SHISA9: variants seen among roughly 807,000 people sequenced by gnomAD.
SHISA9 encodes the protein shisa family member 9.
Under a neutral mutation model 38.0 loss-of-function variants are expected in SHISA9, and 13 were observed. The observed-to-expected ratio is 0.34, with a 90% CI of 0.22 to 0.54. The LOEUF is 0.54. Among genes scored for constraint, SHISA9 ranks in the 20% least tolerant of loss-of-function variants. The probability of loss-of-function intolerance (pLI) is 0.91; values close to 1 mark genes in which losing one functional copy is unlikely to be tolerated. For missense variants in SHISA9, 538 were observed against 575.8 expected, an observed-to-expected ratio of 0.93 and a Z score of 0.67; for synonymous variants, 275 against 242.0, an observed-to-expected ratio of 1.14 and a Z score of -1.27.
At chr16:13,254,817 G>A in the SHISA9 span, among the ~76,000 whole-genome samples, 12 of 152,304 alleles carry the variant, frequency 7.9e-5, no homozygotes, top group South Asian at 2.1e-4. Context: ...AGTCCCTTCC[G>A]GGCTTGTTAA....
At chr16:13,091,793 C>T (rs2073777824) in intron 2 of SHISA9, among the ~76,000 whole-genome samples, 1 of 152,226 alleles carries the variant, frequency 6.6e-6, no homozygotes, top group African/African-American at 2.4e-5. Flanking sequence ...CTTCTGAAGC[C>T]TACTTCTGTC....
intron 2 of SHISA9, among the ~76,000 whole-genome samples, chr16:12,937,604 C>T (rs2071551126): frequency 6.6e-6 from 1 of 152,160 alleles, no homozygotes; most frequent in Non-Finnish European, 1.5e-5. Context: ...GGAGAGGGCT[C>T]CCTTCCTGGC....
intron 2 of SHISA9, among the ~76,000 whole-genome samples, chr16:13,194,692 A>G (rs1323561139): frequency 6.6e-6 from 1 of 152,212 alleles, no homozygotes; most frequent in African/African-American, 2.4e-5. Context: ...GTCATGGGCC[A>G]TCCAGAGCCA....
At chr16:13,147,925 A>G (rs1028109733) in intron 2 of SHISA9, among the ~76,000 whole-genome samples, 1 of 152,186 alleles carries the variant, frequency 6.6e-6, no homozygotes, top group Non-Finnish European at 1.5e-5. Flanking sequence ...ACTCACCCCA[A>G]ATACTTTGTG....
the SHISA9 span, among the ~76,000 whole-genome samples, chr16:13,475,451 T>C: frequency 6.6e-6 from 1 of 152,076 alleles, no homozygotes; most frequent in Non-Finnish European, 1.5e-5. Flanking sequence ...ATTATGTATT[T>C]ATTTATTCAT....
At chr16:13,533,048 A>T in the SHISA9 span, among the ~76,000 whole-genome samples, 1 of 152,040 alleles carries the variant, frequency 6.6e-6, no homozygotes, top group Non-Finnish European at 1.5e-5. Context: ...TAAACATTTC[A>T]TTCTCCAATT....
At chr16:13,525,055 G>C in the SHISA9 span, among the ~76,000 whole-genome samples, 2 of 152,204 alleles carry the variant, frequency 1.3e-5, no homozygotes, top group South Asian at 4.2e-4. Flanking sequence ...AACTTTAGTG[G>C]GCATCAAAAT....
At chr16:13,467,030 A>C in the SHISA9 span, among the ~76,000 whole-genome samples, 3 of 152,200 alleles carry the variant, frequency 2.0e-5, no homozygotes, top group Non-Finnish European at 4.4e-5. Flanking sequence ...GAAATTAAGT[A>C]TGGCTTAAAG....
At chr16:13,423,533 A>G in the SHISA9 span, among the ~76,000 whole-genome samples, 1 of 152,100 alleles carries the variant, frequency 6.6e-6, no homozygotes, top group Non-Finnish European at 1.5e-5. Flanking sequence ...TCGGGGACTA[A>G]TCTTTCTTTA....
the SHISA9 span, among the ~76,000 whole-genome samples, chr16:13,413,576 T>C: frequency 6.6e-6 from 1 of 151,784 alleles, no homozygotes; most frequent in Admixed American, 6.6e-5. Flanking sequence ...GCCGATATGG[T>C]GAAACCCTGT....
At chr16:13,024,252 A>G (rs949543102) in intron 2 of SHISA9, among the ~76,000 whole-genome samples, 6 of 152,214 alleles carry the variant, frequency 3.9e-5, no homozygotes, top group African/African-American at 1.4e-4. Context: ...ATGGCCTCTT[A>G]CTGGCAGCTG....
chr16:13,013,307 A>G lies in SHISA9; in HGVS notation c.691+96492A>G, dbSNP rs537481395. 1.7e-3 allele frequency among the ~76,000 whole-genome samples: 262 copies of G among 152,324 alleles called. 2 individuals are homozygous for G. The highest frequency in any genetic ancestry group is 5.9e-3 in the African/African-American group (247 of 41,582). On this transcript the variant is annotated intron_variant, in intron 2 of 4. Coordinates refer to ENST00000558583, the MANE Select transcript of SHISA9 (RefSeq NM_001145204.3). Reference sequence around the variant, plus strand: ...CAGCTTCCTCTGAAATGATGGGCCCAGAGTCAAGGACGCCTATAGCCCTTT... The same window carrying G: ...CAGCTTCCTCTGAAATGATGGGCCCGGAGTCAAGGACGCCTATAGCCCTTT...
chr16:13,304,017 A>G, the SHISA9 span, among the ~76,000 whole-genome samples: 2 of 151,294 alleles, frequency 1.3e-5, no homozygotes, highest in Admixed American at 1.3e-4. Context: ...TTGGAAATTA[A>G]AAAAAAAAAT....
intron 2 of SHISA9, among the ~76,000 whole-genome samples, chr16:12,930,204 A>T (rs913577439): frequency 6.6e-6 from 1 of 152,152 alleles, no homozygotes; most frequent in South Asian, 2.1e-4. Context: ...CTCTATAAAA[A>T]TTTTTCAGAT....
At chr16:13,088,747 C>T (rs1191834553) in intron 2 of SHISA9, among the ~76,000 whole-genome samples, 2 of 152,200 alleles carry the variant, frequency 1.3e-5, no homozygotes, top group African/African-American at 4.8e-5. Context: ...ACAATCATGT[C>T]ATCTGCAAAC....
intron 2 of SHISA9, among the ~76,000 whole-genome samples, chr16:12,932,710 A>T (rs981307185): frequency 1.3e-5 from 2 of 152,214 alleles, no homozygotes; most frequent in Non-Finnish European, 2.9e-5. Flanking sequence ...GGTCAGGGTT[A>T]TAATACAGTT....
Position 13,019,870 on chromosome 16 carries a change from CCCTCCCTCCCTCCCTT to C in SHISA9, c.691+103057_691+103072del, listed in dbSNP as rs1328447972. On this transcript the variant is annotated intron_variant, in intron 2 of 4. Coordinates refer to ENST00000558583, the MANE Select transcript of SHISA9 (RefSeq NM_001145204.3). ...TCCCTCCCTCCCTCCCTCCCTCCCTCCCTCCCTCCCTCCCTTCTTTCTTTCTTTCTTTCTTTCTTTC... is the reference window on the plus strand; with the variant it reads ...TCCCTCCCTCCCTCCCTCCCTCCCTCCTTTCTTTCTTTCTTTCTTTCTTTC... 9.8e-3 allele frequency among the ~76,000 whole-genome samples: 311 copies of C among 31,884 alleles called. 7 individuals carry two copies. Among genetic ancestry groups the C allele is most frequent in the East Asian group, 0.012 (6 of 482 alleles). The allele number at this position is 31,884 out of a possible 152,430, so 20.9% of individuals were successfully genotyped here.
the SHISA9 span, among the ~76,000 whole-genome samples, chr16:13,522,335 T>C: frequency 6.6e-6 from 1 of 152,226 alleles, no homozygotes; most frequent in African/African-American, 2.4e-5. Context: ...TGAGTTAACA[T>C]GGAAGAAGAA....
At chr16:13,025,056 C>G (rs920066916) in intron 2 of SHISA9, among the ~76,000 whole-genome samples, 1 of 152,146 alleles carries the variant, frequency 6.6e-6, no homozygotes, top group African/African-American at 2.4e-5. Flanking sequence ...AGCATAACAT[C>G]ATTTCCTCTT....
Sources: gnomAD v4.1 joint callset for allele counts (sites outside exome capture counted in the v4.1 genomes callset) on GRCh38, gnomAD v4.1.1 for gene constraint, MANE v1.5 for transcripts, NCBI Gene and HGNC (gene_info 2026-07-23, HGNC 2026-07-21) for gene names.